The following INTS11 variants were observed in gnomAD, a reference collection of about 807,000 sequenced individuals.
INTS11 encodes the protein integrator complex subunit 11, also known as CPSF3-like protein.
In INTS11, 77 loss-of-function variants were observed where a neutral mutation model predicts 78.6. The observed-to-expected ratio is 0.98, with a 90% CI of 0.81 to 1.18. The LOEUF (loss-of-function observed/expected upper bound fraction) is 1.18, where lower values mean the gene tolerates loss of function less well. Among genes scored for constraint, INTS11 ranks in the 50% most tolerant of loss-of-function variants. INTS11 has a pLI of 0.00. For missense variants in INTS11, 875 were observed against 825.9 expected (o/e 1.06, Z -0.73); for synonymous variants, 441 against 326.9 (o/e 1.35, Z -3.77).
In INTS11 at chr1:1,314,163, C is replaced by A. The variant is rs1277630784; in HGVS notation, c.767+138G>T. The A allele has an allele frequency of 6.8e-6, 6 of 886,536 alleles. No homozygotes were observed. The highest frequency in any genetic ancestry group is 9.1e-6 in the Non-Finnish European group (5 of 550,600). 54.9% of individuals were successfully genotyped at this position (886,536 alleles called of 1,614,324 possible). On this transcript the variant is annotated intron_variant, in intron 8 of 16. Coordinates refer to ENST00000435064, the MANE Select transcript of INTS11 (RefSeq NM_017871.6). The surrounding 1 kb of genome is among the most constrained non-coding windows in gnomAD (Gnocchi z 4.2). ...ATGTCACAGGCTTCCTGGGGTCACA[C>A]AGCACACGAGCGGCCCCCCAGGACA...
Position 1,321,073 on chromosome 1 carries a change from G to T in INTS11, c.49C>A (p.Arg17=). The T allele has an allele frequency of 6.2e-7, 1 of 1,612,206 alleles. No homozygotes were observed. Among genetic ancestry groups the T allele is most frequent in the African/African-American group, 1.3e-5 (1 of 75,040 alleles). ...TPLGAGQDVG[R]SCILVSIAGK... ...GCAATGGAGACCAGGATGCAGCTTC[G>T]GCCCACGTCCTGGCCGGCCCCTACT... Residue 17 remains arginine (R), a synonymous_variant, in exon 2 of 17, where the codon CGA becomes AGA. Transcript: ENST00000435064.
chr1:1,312,943 C>T lies in INTS11; in HGVS notation c.1138G>A (p.Val380Ile), dbSNP rs143110978. The change falls in exon 12 of 17, where the codon GTC (valine) becomes ATC (isoleucine). Residue 380 changes from valine (V) to isoleucine (I), a missense_variant. Val to Ile is a conservative substitution (Grantham distance 29). Coordinates refer to ENST00000435064, the MANE Select transcript of INTS11 (RefSeq NM_017871.6). ...GACATGTACTCCACCTGCATCTTGACCTCCAGCTACAGAGGCCACGGGGCG... is the reference window on the plus strand; with the variant it reads ...GACATGTACTCCACCTGCATCTTGATCTCCAGCTACAGAGGCCACGGGGCG... ...LEMEGRQVLEVKMQVEYMSFS... is the reference protein window; with the variant it reads ...LEMEGRQVLEIKMQVEYMSFS... 262 of 1,611,806 alleles carry T rather than the reference C, an allele frequency of 1.6e-4. No homozygotes were observed. The highest frequency in any genetic ancestry group is 1.3e-3 in the Middle Eastern group (8 of 6,058).
At chr1:1,322,686 C>T (rs1405658745) in intron 1 of INTS11, 10 of 71,372 alleles carry the variant, frequency 1.4e-4, no homozygotes, top group Admixed American at 3.3e-4. Flanking sequence ...GGGGGAGGGA[C>T]GGGCAGGGTG....
chr1:1,311,930 G>A lies in INTS11; in HGVS notation c.1738-6C>T, dbSNP rs1427395647. On this transcript the variant is annotated splice_region_variant and splice_polypyrimidine_tract_variant and intron_variant, in intron 16 of 16. Coordinates refer to ENST00000435064, the MANE Select transcript of INTS11 (RefSeq NM_017871.6). ...AAGCTCCCCAGCTCCTCGTCCTAGG[G>A]CAGAGGCAAAAGCATTGTGGGTGGT... is the stretch of plus-strand genomic sequence containing the variant. The A allele has an allele frequency of 3.2e-6, 5 of 1,582,232 alleles. No homozygotes were observed. Among genetic ancestry groups the A allele is most frequent in the South Asian group, 1.1e-5 (1 of 88,332 alleles).
intron 9 of INTS11, 43 bp from the exon 10 acceptor site, chr1:1,313,635 T>TGCCCCC (rs1365120739): frequency 1.2e-6 from 2 of 1,611,336 alleles, no homozygotes; most frequent in Non-Finnish European, 1.7e-6. Context: ...GGGCAGCAGA[T>TGCCCCC]GCCCCCACCC....
Position 1,315,050 on chromosome 1 carries a change from G to A in INTS11, c.564-88C>T, listed in dbSNP as rs116331779. ...GTGACAAGCTGGACCCCAGTACCAC[G>A]CCCAGCCGCCTTCCTAGGTCACTCT... On this transcript the variant is annotated intron_variant, in intron 6 of 16. Transcript: ENST00000435064. 1,204 of 1,492,024 alleles carry A rather than the reference G, an allele frequency of 8.1e-4. 4 individuals are homozygous for A. The African/African-American group carries it at 0.014, about 17-fold the overall frequency. 92.4% of individuals were successfully genotyped at this position (1,492,024 alleles called of 1,614,324 possible).
intron 3 of INTS11, chr1:1,319,786 G>A: frequency 2.0e-6 from 1 of 507,974 alleles, no homozygotes; most frequent in South Asian, 2.4e-5. Flanking sequence ...AGCTGCTGAG[G>A]GAACCGCGCA....
chr1:1,319,386 G>C lies in INTS11; in HGVS notation c.339C>G (p.Asp113Glu), dbSNP rs1476890245. 1.2e-6 allele frequency: 2 copies of C among 1,613,426 alleles called. No individual in the cohort carries two copies. Among genetic ancestry groups the C allele is most frequent in the Non-Finnish European group, 8.5e-7 (1 of 1,180,020 alleles). ...LLEDYRKIAV[D>E]KKGEANFFTS... ...TGAAGAAGTTGGCCTCGCCCTTCTT[G>C]TCTACGGCGATCTTGCGGTAGTCCT... The change falls in exon 4 of 17, where the codon GAC (aspartate) becomes GAG (glutamate). Residue 113 changes from aspartate (D) to glutamate (E), a missense_variant. Physicochemically the swap from Asp to Glu is conservative, Grantham distance 45. Transcript: ENST00000435064.
chr1:1,312,213 G>GGGGGGCCCGCCCCCCCC lies in INTS11; in HGVS notation c.1607+12_1607+13insGGGGGGGGCGGGCCCCC. On this transcript the variant is annotated intron_variant, in intron 15 of 16. Transcript: ENST00000435064. ...CCCAAGGGAGTGGGGGGGGGGCGGG[G>GGGGGGCCCGCCCCCCCC]CCGGGCGCCCACCTCTTGAGGTGGC... The GGGGGGCCCGCCCCCCCC allele has an allele frequency of 1.1e-6, 1 of 934,630 alleles. No homozygotes were observed. 57.9% of individuals were successfully genotyped at this position (934,630 alleles called of 1,614,324 possible).
At chr1:1,323,213 T>G (rs778219266) in intron 1 of INTS11, 1 of 1,550,156 alleles carries the variant, frequency 6.5e-7, no homozygotes. Flanking sequence ...CCCGTCCTGG[T>G]GTCTGTGCTG....
chr1:1,324,133 G>A (rs181195134), intron 1 of INTS11, among the ~76,000 whole-genome samples: 1 of 103,898 alleles, frequency 9.6e-6, no homozygotes, highest in Admixed American at 8.9e-5. Flanking sequence ...CGGGGCTGAG[G>A]GGCTGGGGGG....
Position 1,312,213 on chromosome 1 carries a change from G to GGGGGGCCCGGCCCCCCCCCCCC in INTS11, c.1607+12_1607+13insGGGGGGGGGGGGCCGGGCCCCC. 1.1e-6 allele frequency: 1 copy of GGGGGGCCCGGCCCCCCCCCCCC among 934,614 alleles called. No homozygotes were observed. 57.9% of individuals were successfully genotyped at this position (934,614 alleles called of 1,614,324 possible). On this transcript the variant is annotated intron_variant, in intron 15 of 16. Coordinates refer to ENST00000435064, the MANE Select transcript of INTS11 (RefSeq NM_017871.6). ...CCCAAGGGAGTGGGGGGGGGGCGGG[G>GGGGGGCCCGGCCCCCCCCCCCC]CCGGGCGCCCACCTCTTGAGGTGGC...
At chr1:1,322,024 G>C (rs1332366118) in intron 1 of INTS11, 1 of 1,272,186 alleles carries the variant, frequency 7.9e-7, no homozygotes. Flanking sequence ...TTCCAGGCCT[G>C]TTCCTGCCCC....
In INTS11 at chr1:1,313,899, G is replaced by A. The variant is rs377457157; in HGVS notation, c.790C>T (p.Pro264Ser). 1.2e-6 allele frequency: 2 copies of A among 1,612,784 alleles called. No individual in the cohort carries two copies. The highest frequency in any genetic ancestry group is 1.7e-6 in the Non-Finnish European group (2 of 1,179,786). The change falls in exon 9 of 17, where the codon CCC becomes TCC. Residue 264 changes from proline (P) to serine (S), a missense_variant. Coordinates refer to ENST00000435064, the MANE Select transcript of INTS11 (RefSeq NM_017871.6). The part of the protein sequence containing the change: ...TFWERMNLKV[P>S]IYFSTGLTEK... ...GTCAGCCCCGTGGAGAAGTAGATGG[G>A]CACCTTCAGGTTCATGCGCTCCCTG... is the stretch of plus-strand genomic sequence containing the variant.
Position 1,314,856 on chromosome 1 carries a change from T to G in INTS11, c.670A>C (p.Lys224Gln), listed in dbSNP as rs753979888. 2 of 1,612,802 alleles carry G rather than the reference T, an allele frequency of 1.2e-6. No homozygotes were observed. Among genetic ancestry groups the G allele is most frequent in the Admixed American group, 3.3e-5 (2 of 60,018 alleles). Residue 224 changes from lysine to glutamine, a missense_variant, in exon 7 of 17, where the codon AAA (lysine) becomes CAA (glutamine). Coordinates refer to ENST00000435064, the MANE Select transcript of INTS11 (RefSeq NM_017871.6). The surrounding 1 kb of genome is among the most constrained non-coding windows in gnomAD (Gnocchi z 4.2). ...KRCRERDFLK[K>Q]VHETVERGGK... ...CCACGCTCCACGGTCTCGTGGACTT[T>G]CTTCAGGAAGTCTCGCTCCCGGCAG...
chr1:1,323,361 G>T, intron 1 of INTS11: 1 of 1,465,586 alleles, frequency 6.8e-7, no homozygotes, highest in Admixed American at 2.3e-5. Context: ...CTGAGACCCT[G>T]GATTTTGACT....
At chr1:1,324,161 T>TAA (rs1454021369) in intron 1 of INTS11, among the ~76,000 whole-genome samples, 1 of 37,996 alleles carries the variant, frequency 2.6e-5, no homozygotes, top group Admixed American at 3.2e-4. Context: ...GCTGAGGGGC[T>TAA]GGGGGGCTGA....
In INTS11 at chr1:1,320,987, G is replaced by C. The variant is rs1460947832; in HGVS notation, c.126+9C>G. ...CCCAGCCTCTGGGCCTCCTGCCCAA[G>C]GGACTCACGTCGTCATTGAAGCCCA... is the stretch of plus-strand genomic sequence containing the variant. On this transcript the variant is annotated intron_variant, in intron 2 of 16. Coordinates refer to ENST00000435064, the MANE Select transcript of INTS11 (RefSeq NM_017871.6). The C allele has an allele frequency of 6.2e-7, 1 of 1,611,790 alleles. No homozygotes were observed. The highest frequency in any genetic ancestry group is 1.1e-5 in the South Asian group (1 of 91,062).
chr1:1,316,042 G>A (rs77997846), intron 4 of INTS11: 2,963 of 247,288 alleles, frequency 0.012, 103 homozygotes, highest in African/African-American at 0.064. Context: ...GAATGTTGGC[G>A]GCCAGGCCTA....
Sources: gnomAD v4.1 joint callset for allele counts (sites outside exome capture counted in the v4.1 genomes callset) on GRCh38, gnomAD v4.1.1 for gene constraint, Gnocchi (gnomAD v3.1) non-coding constraint, MANE v1.5 for transcripts, NCBI Gene and HGNC (gene_info 2026-07-23, HGNC 2026-07-21) for gene names.